MAGI1: variants seen among roughly 807,000 people sequenced by gnomAD.
The protein encoded by MAGI1 is membrane associated guanylate kinase, WW and PDZ domain containing 1.
Under a neutral mutation model 139.9 loss-of-function variants are expected in MAGI1, and 58 were observed. The ratio of observed to expected loss-of-function variants is 0.41; its 90% CI spans 0.34 to 0.52. The LOEUF is 0.52. Among genes scored for constraint, MAGI1 ranks in the 20% least tolerant of loss-of-function variants. The pLI, the probability that MAGI1 is intolerant of heterozygous loss-of-function variation, is 0.12. For synonymous variants in MAGI1, 812 were observed against 737.9 expected (o/e 1.10, Z -1.63); for missense variants, 1,874 against 1,901.6 (o/e 0.99, Z 0.27).
In MAGI1 at chr3:65,354,648, T is replaced by G. The variant is rs146306183; in HGVS notation, c.*1730A>C. On this transcript the variant is annotated 3_prime_UTR_variant, in exon 23 of 23. Transcript: ENST00000402939. ...GCTTTAGAGAATTACTTATATAGTC[T>G]CCCATTTTAAAACAACTTTACATAC... 1.5e-3 allele frequency: 222 copies of G among 152,750 alleles called. 1 individual carries two copies. Among genetic ancestry groups the G allele is most frequent in the African/African-American group, 5.1e-3 (214 of 41,578 alleles). 9.5% of individuals were successfully genotyped at this position (152,750 alleles called of 1,614,324 possible). A position where few individuals can be genotyped will look rare whatever the true frequency, so the allele number is the denominator to read the frequency against.
intron 1 of MAGI1, among the ~76,000 whole-genome samples, chr3:66,001,631 G>A (rs2066746276): frequency 6.6e-6 from 1 of 152,114 alleles, no homozygotes; most frequent in East Asian, 1.9e-4. Context: ...AAAATCACAT[G>A]ACAAATAAGC....
rs1034086888 is a variant in MAGI1, at chr3:65,364,889, G to A, written c.3254C>T (p.Thr1085Ile). The change falls in exon 19 of 23, where the codon ACA becomes ATA. Residue 1085 changes from threonine (T) to isoleucine (I), a missense_variant. This residue lies in a region of MAGI1 where 653 missense variants were observed against 644.5 expected (regional missense o/e 1.01). Coordinates refer to ENST00000402939, the MANE Select transcript of MAGI1 (RefSeq NM_001033057.2). ...GGTCCCTTGCTGAGAAGGGGTGTGT[G>A]TGGTGGTGATGGTGGCAATCTTCTC... Reference protein sequence around the residue: ...NAEKIATITTTHTPSQQGTQE... With the variant: ...NAEKIATITTIHTPSQQGTQE... 3 of 1,613,928 alleles carry A rather than the reference G, an allele frequency of 1.9e-6. No homozygotes were observed. The highest frequency in any genetic ancestry group is 1.7e-6 in the Non-Finnish European group (2 of 1,179,954).
At chr3:65,524,759 C>T (rs1431641409) in intron 2 of MAGI1, among the ~76,000 whole-genome samples, 1 of 152,118 alleles carries the variant, frequency 6.6e-6, no homozygotes, top group Non-Finnish European at 1.5e-5. Flanking sequence ...TACATCAGGC[C>T]ATGCAGAATT....
chr3:65,685,289 C>A (rs1458510874), intron 1 of MAGI1, among the ~76,000 whole-genome samples: 2 of 148,722 alleles, frequency 1.3e-5, no homozygotes, highest in South Asian at 2.1e-4. Context: ...AATGTAAGCA[C>A]ATGCTTGTAT....
chr3:65,865,345 A>T (rs898453399), intron 1 of MAGI1, among the ~76,000 whole-genome samples: 1 of 152,228 alleles, frequency 6.6e-6, no homozygotes, highest in African/African-American at 2.4e-5. Flanking sequence ...TCACACCTGT[A>T]ATCCCAGCAC....
chr3:65,601,747 TAGAC>T (rs907684761), intron 2 of MAGI1, among the ~76,000 whole-genome samples: 3 of 151,800 alleles, frequency 2.0e-5, no homozygotes, highest in East Asian at 1.9e-4. Flanking sequence ...AAACAGAAAT[TAGAC>T]AGATTAGAGT....
At chr3:65,449,015 T>G (rs1201716511) in intron 6 of MAGI1, among the ~76,000 whole-genome samples, 1 of 151,516 alleles carries the variant, frequency 6.6e-6, no homozygotes, top group Non-Finnish European at 1.5e-5. Context: ...CTTCTGCACA[T>G]GTTAGGTACT....
At chr3:65,760,922 T>A (rs1391838220) in intron 1 of MAGI1, among the ~76,000 whole-genome samples, 1 of 152,154 alleles carries the variant, frequency 6.6e-6, no homozygotes, top group Admixed American at 6.5e-5. Flanking sequence ...AAACACTTCT[T>A]TGAAACAAGG....
chr3:65,575,425 G>C (rs1255493759), intron 2 of MAGI1, among the ~76,000 whole-genome samples: 1 of 152,058 alleles, frequency 6.6e-6, no homozygotes, highest in Non-Finnish European at 1.5e-5. Context: ...CTACACTGCT[G>C]GGCAGGAATA....
intron 1 of MAGI1, among the ~76,000 whole-genome samples, chr3:65,865,261 A>G (rs1294384501): frequency 6.6e-6 from 1 of 152,236 alleles, no homozygotes; most frequent in African/African-American, 2.4e-5. Context: ...ATGTGAGCCA[A>G]TATAAAAAAT....
chr3:65,655,632 A>G (rs540524831), intron 1 of MAGI1, among the ~76,000 whole-genome samples: 1 of 152,318 alleles, frequency 6.6e-6, no homozygotes, highest in South Asian at 2.1e-4. Context: ...GCTCGCATAC[A>G]TTATTTAATT....
At position 65,979,094 on chromosome 3, in the gene MAGI1, C is replaced by CCA. The variant is rs1553742283; in HGVS notation, c.313+58901_313+58902insTG. 1.5e-4 allele frequency among the ~76,000 whole-genome samples: 8 copies of CCA among 53,018 alleles called. 1 individual carries two copies. The highest frequency in any genetic ancestry group is 2.2e-4 in the Non-Finnish European group (5 of 22,384). 34.8% of individuals were successfully genotyped at this position (53,018 alleles called of 152,430 possible). A position where few individuals can be genotyped will look rare whatever the true frequency, so the allele number is the denominator to read the frequency against. ...CAAAGTTTTTTTCTTTTCTTCCCCC[C>CCA]CCCCGCCACCCCCCACAGCTACTCA... On this transcript the variant is annotated intron_variant, in intron 1 of 22. Coordinates refer to ENST00000402939, the MANE Select transcript of MAGI1 (RefSeq NM_001033057.2).
intron 1 of MAGI1, among the ~76,000 whole-genome samples, chr3:66,026,938 CTTTCT>C: frequency 6.6e-6 from 1 of 151,858 alleles, no homozygotes; most frequent in Non-Finnish European, 1.5e-5. Context: ...AGACACATTT[CTTTCT>C]TTTTTCTTTT....
At chr3:65,374,060 T>G (rs1425593367) in intron 18 of MAGI1, among the ~76,000 whole-genome samples, 1 of 152,190 alleles carries the variant, frequency 6.6e-6, no homozygotes. Context: ...AACCCTAATT[T>G]TCTTATTTTA....
intron 1 of MAGI1, among the ~76,000 whole-genome samples, chr3:65,894,465 A>G (rs57897255): frequency 0.033 from 4,982 of 152,336 alleles, 253 homozygotes; most frequent in African/African-American, 0.11. Context: ...AAATATGCTA[A>G]AAGGATATCC....
At chr3:65,669,484 C>T (rs555193854) in intron 1 of MAGI1, among the ~76,000 whole-genome samples, 4 of 152,262 alleles carry the variant, frequency 2.6e-5, no homozygotes, top group African/African-American at 9.6e-5. Context: ...TCCTTTGGTC[C>T]TCCAGAAAGT....
At chr3:65,398,484 G>C (rs1052217964) in intron 13 of MAGI1, among the ~76,000 whole-genome samples, 5 of 152,150 alleles carry the variant, frequency 3.3e-5, no homozygotes, top group African/African-American at 1.2e-4. Context: ...TGATGACAAA[G>C]TGAGACCTCA....
intron 1 of MAGI1, among the ~76,000 whole-genome samples, chr3:65,730,997 T>C (rs1355546381): frequency 6.6e-6 from 1 of 151,918 alleles, no homozygotes; most frequent in Non-Finnish European, 1.5e-5. Flanking sequence ...TGAATCAAGT[T>C]ACCTCTAGAG....
intron 1 of MAGI1, among the ~76,000 whole-genome samples, chr3:65,715,774 A>G (rs969387776): frequency 1.3e-5 from 2 of 152,368 alleles, no homozygotes; most frequent in East Asian, 3.9e-4. Flanking sequence ...ATGTGCACTC[A>G]TTATAGGAAA....
Sources: gnomAD v4.1 joint callset for allele counts (sites outside exome capture counted in the v4.1 genomes callset) on GRCh38, gnomAD v4.1.1 for gene constraint, gnomAD v4.1.1 regional missense constraint, MANE v1.5 for transcripts, NCBI Gene and HGNC (gene_info 2026-07-23, HGNC 2026-07-21) for gene names.